The following DLG5 variants were observed in gnomAD, a reference collection of about 807,000 sequenced individuals.
DLG5 encodes disks large homolog 5.
A neutral mutation model predicts 189.8 loss-of-function variants in DLG5; 48 were observed. The observed-to-expected ratio is 0.25, with a 90% CI of 0.20 to 0.32. DLG5 has a LOEUF of 0.32. DLG5 is among the 10% of genes least tolerant of loss of function. The pLI, the probability that DLG5 is intolerant of heterozygous loss-of-function variation, is 1.00. For missense variants in DLG5, 2,160 were observed against 2,544.7 expected (o/e 0.85, Z 3.25); for synonymous variants, 1,016 against 1,054.1 (o/e 0.96, Z 0.70).
At chr10:77,930,614 G>A (rs1420472544), upstream of DLG5, among the ~76,000 whole-genome samples, 1 of 151,356 alleles carries the variant, frequency 6.6e-6, no homozygotes, top group Non-Finnish European at 1.5e-5. Flanking sequence ...CTCCCAAAGT[G>A]CTGGGATTAC....
At chr10:77,830,024 G>A (rs1842826313) in intron 11 of DLG5, among the ~76,000 whole-genome samples, 193 bp downstream of exon 11, 1 of 152,178 alleles carries the variant, frequency 6.6e-6, no homozygotes, top group Admixed American at 6.5e-5. Flanking sequence ...AGAATAATCA[G>A]ATTCAGAGGC....
chr10:77,861,826 T>C (rs1442869729), intron 2 of DLG5, among the ~76,000 whole-genome samples: 1 of 152,158 alleles, frequency 6.6e-6, no homozygotes, highest in Non-Finnish European at 1.5e-5. Flanking sequence ...AGGATTCTCG[T>C]TCCACTTCTC....
intron 5 of DLG5, among the ~76,000 whole-genome samples, chr10:77,847,866 C>A (rs1843770538): frequency 6.6e-6 from 1 of 152,174 alleles, no homozygotes; most frequent in African/African-American, 2.4e-5. Flanking sequence ...CCCACCACAC[C>A]TGGCTGATTT....
rs1377471777 is a variant in DLG5, at chr10:77,926,650, C to A, written c.-130G>T. On this transcript the variant is annotated 5_prime_UTR_variant, in exon 1 of 32. Coordinates refer to ENST00000372391, the MANE Select transcript of DLG5 (RefSeq NM_004747.4). The surrounding 1 kb of genome is among the most constrained non-coding windows in gnomAD (Gnocchi z 5.2). ...CCGTGAGGCGGCGGGAGCCATGGGC[C>A]GGGGCCTGGGCGGGCTGGGGGCCCG... 21 of 638,502 alleles carry A rather than the reference C, an allele frequency of 3.3e-5. No individual in the cohort carries two copies. 39.6% of individuals were successfully genotyped at this position (638,502 alleles called of 1,614,324 possible). A position where few individuals can be genotyped will look rare whatever the true frequency, so the allele number is the denominator to read the frequency against.
At chr10:77,876,373 CTTTTTTT>C (rs60644218) in intron 1 of DLG5, among the ~76,000 whole-genome samples, 9 of 134,918 alleles carry the variant, frequency 6.7e-5, no homozygotes, top group Middle Eastern at 4.0e-3. Context: ...CCCCATCTCT[CTTTTTTT>C]TTTTTTTTTT....
At chr10:77,837,395 A>G (rs1843197677) in intron 7 of DLG5, among the ~76,000 whole-genome samples, 1 of 152,168 alleles carries the variant, frequency 6.6e-6, no homozygotes, top group Non-Finnish European at 1.5e-5. Context: ...CTAGATGAGC[A>G]TCTAGGAGGG....
At chr10:77,860,623 C>T (rs922800552) in intron 2 of DLG5, among the ~76,000 whole-genome samples, 2 of 152,146 alleles carry the variant, frequency 1.3e-5, no homozygotes, top group South Asian at 2.1e-4. Context: ...TTTTGAAATG[C>T]TTTTCATACA....
At chr10:77,830,674 C>A in intron 10 of DLG5, 67 bp downstream of exon 10, 1 of 1,585,256 alleles carries the variant, frequency 6.3e-7, no homozygotes. Context: ...GGAGATACTG[C>A]AAGCGGGTCA....
At position 77,926,637 on chromosome 10, in the gene DLG5, G is replaced by A. The variant is rs1589290178; in HGVS notation, c.-117C>T. 2 of 765,990 alleles carry A rather than the reference G, an allele frequency of 2.6e-6. No individual in the cohort carries two copies. Among genetic ancestry groups the A allele is most frequent in the East Asian group, 9.7e-5 (1 of 10,340 alleles). The allele number at this position is 765,990 out of a possible 1,614,324, so 47.4% of individuals were successfully genotyped here. A position where few individuals can be genotyped will look rare whatever the true frequency, so the allele number is the denominator to read the frequency against. On this transcript the variant is annotated 5_prime_UTR_variant, in exon 1 of 32. Transcript: ENST00000372391. This position sits in a 1 kb window ranked among gnomAD's most constrained non-coding sequence, Gnocchi z 5.2. Reference sequence around the variant, plus strand: ...AGGGCGCCGGGAGCCGTGAGGCGGCGGGAGCCATGGGCCGGGGCCTGGGCG... The same window carrying A: ...AGGGCGCCGGGAGCCGTGAGGCGGCAGGAGCCATGGGCCGGGGCCTGGGCG...
At chr10:77,892,106 T>C (rs1410018670) in intron 1 of DLG5, among the ~76,000 whole-genome samples, 1 of 152,170 alleles carries the variant, frequency 6.6e-6, no homozygotes, top group African/African-American at 2.4e-5. Context: ...ATTAGGAACA[T>C]GGGATGGCAC....
intron 1 of DLG5, among the ~76,000 whole-genome samples, chr10:77,871,325 C>G (rs577006244): frequency 6.6e-6 from 1 of 152,156 alleles, no homozygotes; most frequent in East Asian, 1.9e-4. Context: ...GGAGGCCCAG[C>G]ACTCAGTGGC....
intron 23 of DLG5, 47 bp downstream of exon 23, chr10:77,811,047 C>T (rs781111407): frequency 1.3e-6 from 2 of 1,585,436 alleles, no homozygotes; most frequent in South Asian, 1.2e-5. Flanking sequence ...CTCAGCCCCA[C>T]CCAGCCGAAG....
At chr10:77,936,941 A>G in the DLG5 span, among the ~76,000 whole-genome samples, 7 of 151,734 alleles carry the variant, frequency 4.6e-5, no homozygotes, top group African/African-American at 1.7e-4. Flanking sequence ...ACTTCTCCCA[A>G]AGGATTGACA....
intron 7 of DLG5, among the ~76,000 whole-genome samples, chr10:77,838,994 A>C (rs1034053863): frequency 5.3e-5 from 8 of 152,226 alleles, no homozygotes. Context: ...TGACAGGTGC[A>C]CTTGATGCCC....
chr10:77,895,418 C>G (rs1375972221), intron 1 of DLG5, among the ~76,000 whole-genome samples: 1 of 152,162 alleles, frequency 6.6e-6, no homozygotes, highest in Non-Finnish European at 1.5e-5. Flanking sequence ...GTAAAAGATG[C>G]TACTGGTTTT....
intron 7 of DLG5, among the ~76,000 whole-genome samples, chr10:77,837,466 C>A (rs1189991452): frequency 6.6e-6 from 1 of 152,152 alleles, no homozygotes; most frequent in Admixed American, 6.5e-5. Flanking sequence ...CCCCAGCCCA[C>A]AGCTCCCTTC....
chr10:77,819,453 C>T lies in DLG5; in HGVS notation c.3539G>A (p.Arg1180Gln), dbSNP rs199569395. Residue 1180 changes from arginine to glutamine, a missense_variant, in exon 17 of 32, where the codon CGG (arginine) becomes CAG (glutamine). Arg to Gln is a conservative substitution (Grantham distance 43, BLOSUM62 1). Around this residue, in one of 5 missense-constraint regions of DLG5, gnomAD observed 754 missense variants for 746.5 expected, o/e 1.01. Coordinates refer to ENST00000372391, the MANE Select transcript of DLG5 (RefSeq NM_004747.4). Reference protein sequence around the residue: ...PSRPSVGTVPRSLTPSTTVSS... With the variant: ...PSRPSVGTVPQSLTPSTTVSS... ...CACAGTGGTGCTGGGGGTCAAACTC[C>T]GGGGAACAGTGCCTAGAAATGGGCT... The T allele has an allele frequency of 1.5e-5, 25 of 1,613,206 alleles. No homozygotes were observed. The highest frequency in any genetic ancestry group is 1.8e-4 in the Middle Eastern group (1 of 5,604).
intron 1 of DLG5, among the ~76,000 whole-genome samples, chr10:77,885,888 C>T (rs144191559): frequency 6.6e-6 from 1 of 152,204 alleles, no homozygotes; most frequent in African/African-American, 2.4e-5. Flanking sequence ...AAGCCCACAA[C>T]TCTGATGAGC....
At chr10:77,862,775 G>A (rs907627316) in intron 2 of DLG5, among the ~76,000 whole-genome samples, 2 of 152,150 alleles carry the variant, frequency 1.3e-5, no homozygotes, top group African/African-American at 4.8e-5. Flanking sequence ...CACAGGGTGT[G>A]GGGGAAGCTG....
Sources: allele counts gnomAD v4.1 joint callset (sites outside exome capture counted in the v4.1 genomes callset), GRCh38; gene constraint gnomAD v4.1.1; regional missense constraint gnomAD v4.1.1; non-coding constraint Gnocchi (gnomAD v3.1); transcripts MANE v1.5; gene names NCBI Gene and HGNC (gene_info 2026-07-23, HGNC 2026-07-21).